The following TRDN variants were observed in gnomAD, a reference collection of about 807,000 sequenced individuals.
The protein encoded by TRDN is triadin.
TRDN carries 161 observed loss-of-function variants against 149.7 expected under a neutral mutation model. The observed-to-expected ratio is 1.08, with a 90% CI of 0.95 to 1.23. The LOEUF (loss-of-function observed/expected upper bound fraction) is 1.23. Ranked by LOEUF, TRDN falls within the 50% of genes most tolerant of loss-of-function variation. The pLI is 0.00. For synonymous variants in TRDN, 294 were observed against 250.5 expected (o/e 1.17, Z -1.64); for missense variants, 896 against 823.5 (o/e 1.09, Z -1.08).
chr6:123,425,231 AG>A (rs1216038889), intron 12 of TRDN, among the ~76,000 whole-genome samples: 1 of 115,232 alleles, frequency 8.7e-6, no homozygotes, highest in African/African-American at 3.5e-5. Context: ...TCAGAGGTAG[AG>A]GTGTGTGTGT....
intron 12 of TRDN, among the ~76,000 whole-genome samples, chr6:123,425,774 T>A (rs1434630741): frequency 6.6e-6 from 1 of 151,992 alleles, no homozygotes; most frequent in Non-Finnish European, 1.5e-5. Flanking sequence ...ATGTAGACAA[T>A]GCTTATGAGG....
chr6:123,218,283 T>G lies in TRDN; in HGVS notation c.*318A>C. ...GGAATTCATTTTGCAATTGTGTCAA[T>G]TATTTTAAAGATACCATTATTAAGT... On this transcript the variant is annotated 3_prime_UTR_variant, in exon 41 of 41. Coordinates refer to ENST00000334268, the MANE Select transcript of TRDN (RefSeq NM_006073.4). 1 of 178,938 alleles carries G rather than the reference T, an allele frequency of 5.6e-6. No individual in the cohort carries two copies. Among genetic ancestry groups the G allele is most frequent in the Non-Finnish European group, 1.2e-5 (1 of 86,052 alleles). The allele number at this position is 178,938 out of a possible 1,614,324, so 11.1% of individuals were successfully genotyped here.
chr6:123,461,045 G>A (rs963993504), intron 10 of TRDN, among the ~76,000 whole-genome samples: 1 of 152,084 alleles, frequency 6.6e-6, no homozygotes, highest in Non-Finnish European at 1.5e-5. Flanking sequence ...TAACCACTGG[G>A]CAAAGCTATG....
intron 38 of TRDN, among the ~76,000 whole-genome samples, chr6:123,237,550 CCTA>C (rs1775835464): frequency 1.3e-5 from 2 of 152,040 alleles, no homozygotes; most frequent in East Asian, 3.9e-4. Flanking sequence ...GCCCTGACAC[CCTA>C]CTACCTTTTG....
At chr6:123,514,705 CAT>C (rs1250029560) in intron 6 of TRDN, among the ~76,000 whole-genome samples, 1 of 151,740 alleles carries the variant, frequency 6.6e-6, no homozygotes, top group Non-Finnish European at 1.5e-5. Flanking sequence ...AACAGTTACA[CAT>C]GATATATACA....
At chr6:123,615,269 A>G (rs1785025330) in intron 1 of TRDN, among the ~76,000 whole-genome samples, 1 of 152,152 alleles carries the variant, frequency 6.6e-6, no homozygotes, top group Non-Finnish European at 1.5e-5. Context: ...AAATATAACT[A>G]CCATTGATCC....
chr6:123,455,381 T>C (rs1776047431), intron 10 of TRDN, among the ~76,000 whole-genome samples: 1 of 141,072 alleles, frequency 7.1e-6, no homozygotes, highest in Non-Finnish European at 1.6e-5. Flanking sequence ...ACTTTCTATA[T>C]AGAGTGAAAC....
chr6:123,541,983 G>A (rs1780859428), intron 4 of TRDN, among the ~76,000 whole-genome samples: 1 of 152,042 alleles, frequency 6.6e-6, no homozygotes, highest in Non-Finnish European at 1.5e-5. Flanking sequence ...AAATTTTCTG[G>A]CTCTTTCTCA....
chr6:123,586,949 C>T (rs976794199), intron 1 of TRDN, among the ~76,000 whole-genome samples: 18 of 150,994 alleles, frequency 1.2e-4, no homozygotes, highest in African/African-American at 3.9e-4. Context: ...TGGGGTACAG[C>T]GATATAAGAG....
chr6:123,502,551 A>C, intron 8 of TRDN: 1 of 983,040 alleles, frequency 1.0e-6, no homozygotes, highest in Non-Finnish European at 1.2e-6. Context: ...CAAATACTAC[A>C]TGTGAATCAA....
chr6:123,564,709 G>C (rs1046969084), intron 2 of TRDN, among the ~76,000 whole-genome samples: 3 of 152,154 alleles, frequency 2.0e-5, no homozygotes, highest in African/African-American at 7.2e-5. Flanking sequence ...TCAGATTACA[G>C]ATCTTACTTC....
intron 24 of TRDN, among the ~76,000 whole-genome samples, chr6:123,292,315 A>G (rs1342311599): frequency 3.3e-5 from 5 of 152,090 alleles, no homozygotes; most frequent in Non-Finnish European, 7.4e-5. Flanking sequence ...CCTGGATCAG[A>G]GCGGAAGTGG....
intron 23 of TRDN, among the ~76,000 whole-genome samples, chr6:123,319,219 T>C (rs1021697194): frequency 1.3e-5 from 2 of 151,978 alleles, no homozygotes; most frequent in African/African-American, 2.4e-5. Flanking sequence ...AAAGTAATTT[T>C]CTCTTTTTTT....
chr6:123,283,204 C>T (rs919058341), intron 24 of TRDN, among the ~76,000 whole-genome samples: 1 of 151,846 alleles, frequency 6.6e-6, no homozygotes, highest in Non-Finnish European at 1.5e-5. Context: ...AAATAACATG[C>T]TTCTGAACGA....
At chr6:123,563,480 TA>T (rs1005623136) in intron 2 of TRDN, among the ~76,000 whole-genome samples, 3 of 152,122 alleles carry the variant, frequency 2.0e-5, no homozygotes, top group African/African-American at 7.2e-5. Context: ...TTTCTCTTCT[TA>T]AAAAAAGCCC....
chr6:123,493,076 G>A (rs1253298568), intron 9 of TRDN, among the ~76,000 whole-genome samples: 3 of 152,154 alleles, frequency 2.0e-5, no homozygotes, highest in Non-Finnish European at 4.4e-5. Context: ...AGTATCTCTG[G>A]AGAGGGGAGA....
Position 123,324,330 on chromosome 6 carries a change from C to G in TRDN, c.1471+7549G>C, listed in dbSNP as rs1040793563. Among the ~76,000 whole-genome samples the G allele has an allele frequency of 7.9e-5, 12 of 151,932 alleles. No homozygotes were observed. The East Asian group carries it at 1.7e-3, about 22-fold the overall frequency. On this transcript the variant is annotated intron_variant, in intron 23 of 40. Transcript: ENST00000334268. ...ATATATTTTTTAAAATGTTAATGGA[C>G]AGAAGCCAGGTGTGTGGTGCATGCT...
At chr6:123,554,105 C>A (rs1781530999) in intron 2 of TRDN, among the ~76,000 whole-genome samples, 1 of 152,112 alleles carries the variant, frequency 6.6e-6, no homozygotes, top group Non-Finnish European at 1.5e-5. Context: ...TTCATTGGAA[C>A]TCATGAAACA....
chr6:123,635,764 T>C (rs924638032), intron 1 of TRDN, among the ~76,000 whole-genome samples: 1 of 151,984 alleles, frequency 6.6e-6, no homozygotes, highest in Admixed American at 6.6e-5. Context: ...GAGCACCACC[T>C]GTCTGATTTT....
Sources: allele counts gnomAD v4.1 joint callset (sites outside exome capture counted in the v4.1 genomes callset), GRCh38; gene constraint gnomAD v4.1.1; transcripts MANE v1.5; gene names NCBI Gene and HGNC (gene_info 2026-07-23, HGNC 2026-07-21).